HS6ST3: variants seen among roughly 807,000 people sequenced by gnomAD.
The protein encoded by HS6ST3 is heparan-sulfate 6-O-sulfotransferase 3.
HS6ST3 carries 12 observed loss-of-function variants against 36.7 expected under a neutral mutation model. The observed-to-expected ratio is 0.33, with a 90% CI of 0.21 to 0.53. HS6ST3 has a LOEUF of 0.53. Among genes scored for constraint, HS6ST3 ranks in the 20% least tolerant of loss-of-function variants. The pLI is 0.95. For synonymous variants in HS6ST3, 240 were observed against 257.5 expected, an observed-to-expected ratio of 0.93 and a Z score of 0.65; for missense variants, 584 against 640.9, an observed-to-expected ratio of 0.91 and a Z score of 0.96.
At chr13:96,585,784 C>T (rs1043980440) in intron 1 of HS6ST3, among the ~76,000 whole-genome samples, 2 of 152,114 alleles carry the variant, frequency 1.3e-5, no homozygotes, top group Non-Finnish European at 2.9e-5. Context: ...GCAAGGTTTC[C>T]ATATATTTTA....
chr13:96,759,806 C>T (rs1876921325), intron 1 of HS6ST3, among the ~76,000 whole-genome samples: 1 of 151,932 alleles, frequency 6.6e-6, no homozygotes, highest in South Asian at 2.1e-4. Flanking sequence ...GATCTGAATG[C>T]ATTTCTAAGA....
At chr13:96,812,605 G>A (rs559403387) in intron 1 of HS6ST3, among the ~76,000 whole-genome samples, 5 of 152,248 alleles carry the variant, frequency 3.3e-5, no homozygotes, top group South Asian at 2.1e-4. Flanking sequence ...TGCACAGAAC[G>A]GCAGTTTGCC....
intron 1 of HS6ST3, among the ~76,000 whole-genome samples, chr13:96,216,403 T>C (rs2139360162): frequency 6.6e-6 from 1 of 152,346 alleles, no homozygotes; most frequent in East Asian, 1.9e-4. Flanking sequence ...TAAAAGTTTC[T>C]TTCCTTCCTG....
At chr13:96,216,899 G>C (rs953285600) in intron 1 of HS6ST3, among the ~76,000 whole-genome samples, 1 of 152,160 alleles carries the variant, frequency 6.6e-6, no homozygotes, top group Non-Finnish European at 1.5e-5. Context: ...AAGAAAACCC[G>C]AGAAGCACAG....
At chr13:96,162,910 G>A (rs546495476) in intron 1 of HS6ST3, among the ~76,000 whole-genome samples, 1 of 150,808 alleles carries the variant, frequency 6.6e-6, no homozygotes. Flanking sequence ...GTTTTTTTTT[G>A]TTGTTGTTCT....
At position 96,441,700 on chromosome 13, in the gene HS6ST3, A is replaced by G. The variant is rs76639340; in HGVS notation, c.707+350131A>G. 1.3e-3 allele frequency among the ~76,000 whole-genome samples: 204 copies of G among 152,314 alleles called. 5 individuals carry two copies. In the East Asian group the frequency reaches 0.036, roughly 27 times the overall value. On this transcript the variant is annotated intron_variant, in intron 1 of 1. Coordinates refer to ENST00000376705, the MANE Select transcript of HS6ST3 (RefSeq NM_153456.4). ...AGAGCATGATGCTGTAAAAGTGAATAATCAGGGAATAAAGAAGAGCTTCTA... is the reference window on the plus strand; with the variant it reads ...AGAGCATGATGCTGTAAAAGTGAATGATCAGGGAATAAAGAAGAGCTTCTA...
chr13:96,737,486 G>A (rs1257743699), intron 1 of HS6ST3, among the ~76,000 whole-genome samples: 5 of 150,896 alleles, frequency 3.3e-5, no homozygotes, highest in Middle Eastern at 3.4e-3. Context: ...TTAGCCGGGC[G>A]CGGTGGCGGG....
intron 1 of HS6ST3, among the ~76,000 whole-genome samples, chr13:96,765,964 T>G (rs552032734): frequency 6.6e-6 from 1 of 152,302 alleles, no homozygotes; most frequent in East Asian, 1.9e-4. Context: ...TGAGGCAAAT[T>G]CTTCCAAATT....
At chr13:96,210,933 CTT>C (rs139076475) in intron 1 of HS6ST3, among the ~76,000 whole-genome samples, 3 of 142,884 alleles carry the variant, frequency 2.1e-5, no homozygotes, top group African/African-American at 2.6e-5. Flanking sequence ...TGATTATTAT[CTT>C]TTTTTTTTTT....
intron 1 of HS6ST3, among the ~76,000 whole-genome samples, chr13:96,823,317 T>C (rs1878576167): frequency 6.6e-6 from 1 of 152,226 alleles, no homozygotes; most frequent in Non-Finnish European, 1.5e-5. Context: ...GATTCTTGTT[T>C]AAAATACACC....
At chr13:96,531,866 C>T (rs1324207693) in intron 1 of HS6ST3, among the ~76,000 whole-genome samples, 2 of 152,224 alleles carry the variant, frequency 1.3e-5, no homozygotes, top group South Asian at 4.1e-4. Flanking sequence ...AGTCCTTTCA[C>T]TTTTGAGAAA....
chr13:96,625,842 T>C (rs1407101115), intron 1 of HS6ST3, among the ~76,000 whole-genome samples: 1 of 145,468 alleles, frequency 6.9e-6, no homozygotes, highest in Admixed American at 6.9e-5. Flanking sequence ...TTCTTCTTCT[T>C]TTTTTTTTTT....
intron 1 of HS6ST3, among the ~76,000 whole-genome samples, chr13:96,813,685 A>T (rs943869362): frequency 6.6e-6 from 1 of 152,266 alleles, no homozygotes; most frequent in Non-Finnish European, 1.5e-5. Context: ...CTGGCCTTCA[A>T]TGTAGCATAG....
intron 1 of HS6ST3, among the ~76,000 whole-genome samples, chr13:96,598,641 T>C (rs1346455467): frequency 6.6e-6 from 1 of 152,140 alleles, no homozygotes; most frequent in Non-Finnish European, 1.5e-5. Flanking sequence ...TGACTTCTTC[T>C]TTTCCAATTT....
rs558991043 is a variant in HS6ST3, at chr13:96,562,887, CAGA to C, written c.708-269600_708-269598del. ...GAAGAGGTGCTTTCTTTGTGGCTCA[CAGA>C]AGGTCAGGATAGGAGAGAAAGAAAG... On this transcript the variant is annotated intron_variant, in intron 1 of 1. Transcript: ENST00000376705. 1.2e-3 allele frequency among the ~76,000 whole-genome samples: 183 copies of C among 151,878 alleles called. 8 individuals carry two copies. In the South Asian group the frequency reaches 0.036, roughly 30 times the overall value.
chr13:96,247,376 G>A (rs1690388226), intron 1 of HS6ST3, among the ~76,000 whole-genome samples: 1 of 152,134 alleles, frequency 6.6e-6, no homozygotes, highest in East Asian at 1.9e-4. Flanking sequence ...CTTGTGGGAG[G>A]TGATTGGATC....
chr13:96,618,331 G>T (rs540594046), intron 1 of HS6ST3, among the ~76,000 whole-genome samples: 2 of 152,160 alleles, frequency 1.3e-5, no homozygotes, highest in South Asian at 2.1e-4. Context: ...GAACTTCTGG[G>T]CTCAAGCAAT....
intron 1 of HS6ST3, among the ~76,000 whole-genome samples, chr13:96,444,598 G>C (rs1176319055): frequency 6.6e-6 from 1 of 152,104 alleles, no homozygotes; most frequent in Non-Finnish European, 1.5e-5. Flanking sequence ...CAATGGGATT[G>C]TGCATAAACA....
intron 1 of HS6ST3, among the ~76,000 whole-genome samples, chr13:96,305,044 T>C (rs1233916092): frequency 1.3e-5 from 2 of 152,112 alleles, no homozygotes; most frequent in African/African-American, 2.4e-5. Context: ...TGTATTTACA[T>C]CCTTCCACAT....
Sources: allele counts gnomAD v4.1 joint callset (sites outside exome capture counted in the v4.1 genomes callset), GRCh38; gene constraint gnomAD v4.1.1; transcripts MANE v1.5; gene names NCBI Gene and HGNC (gene_info 2026-07-23, HGNC 2026-07-21).